PPP2R5E: variants seen among roughly 807,000 people sequenced by gnomAD.
The protein encoded by PPP2R5E is serine/threonine-protein phosphatase 2A 56 kDa regulatory subunit epsilon isoform.
PPP2R5E carries 4 observed loss-of-function variants against 65.3 expected under a neutral mutation model. The ratio of observed to expected loss-of-function variants is 0.06; its 90% CI spans 0.03 to 0.14. The LOEUF is 0.14. PPP2R5E is among the 10% of genes least tolerant of loss of function. PPP2R5E has a pLI of 1.00. For synonymous variants in PPP2R5E, 183 were observed against 187.4 expected (o/e 0.98, Z 0.19); for missense variants, 274 against 556.1 (o/e 0.49, Z 5.10).
rs1049849904 is a variant in PPP2R5E, at chr14:63,375,825, T to C, written c.*184A>G. ...GAGAAGTCCATCTACTGTCCAAACT[T>C]TGGATTGAAGTCCTTATTTTGTTTT... On this transcript the variant is annotated 3_prime_UTR_variant, in exon 14 of 14. Coordinates refer to ENST00000337537, the MANE Select transcript of PPP2R5E (RefSeq NM_006246.5). 23 of 409,408 alleles carry C rather than the reference T, an allele frequency of 5.6e-5. 1 individual carries two copies. In the Admixed American group the frequency reaches 9.3e-4, roughly 16 times the overall value. The allele number at this position is 409,408 out of a possible 1,614,324, so 25.4% of individuals were successfully genotyped here. A position where few individuals can be genotyped will look rare whatever the true frequency, so the allele number is the denominator to read the frequency against.
chr14:63,397,805 C>G (rs1885498075), intron 5 of PPP2R5E, among the ~76,000 whole-genome samples: 1 of 150,772 alleles, frequency 6.6e-6, no homozygotes, highest in African/African-American at 2.4e-5. Flanking sequence ...CTCACTGCAA[C>G]CTCCGCCTCC....
At chr14:63,493,047 T>C (rs1891357779) in intron 2 of PPP2R5E, among the ~76,000 whole-genome samples, 1 of 152,152 alleles carries the variant, frequency 6.6e-6, no homozygotes, top group Non-Finnish European at 1.5e-5. Flanking sequence ...CAAGGAATTC[T>C]GATCTACTAA....
intron 2 of PPP2R5E, among the ~76,000 whole-genome samples, chr14:63,512,078 TAAAAAAA>T (rs57623942): frequency 8.0e-5 from 7 of 87,084 alleles, no homozygotes; most frequent in South Asian, 4.1e-4. Flanking sequence ...GACTCTGCGG[TAAAAAAA>T]AAAAAAAAAA....
chr14:63,500,695 G>A (rs1020926608), intron 2 of PPP2R5E, among the ~76,000 whole-genome samples: 13 of 151,930 alleles, frequency 8.6e-5, no homozygotes, highest in African/African-American at 2.2e-4. Context: ...CAAGACTGCC[G>A]TCTCTACAAG....
At chr14:63,530,184 C>T (rs1893353000) in intron 2 of PPP2R5E, among the ~76,000 whole-genome samples, 1 of 151,598 alleles carries the variant, frequency 6.6e-6, no homozygotes, top group Non-Finnish European at 1.5e-5. Flanking sequence ...TATACACTGT[C>T]CCAACCAGAA....
chr14:63,501,337 G>A lies in PPP2R5E; in HGVS notation c.157+38192C>T, dbSNP rs376034555. 2.3e-3 allele frequency among the ~76,000 whole-genome samples: 345 copies of A among 151,706 alleles called. 8 individuals are homozygous for A. The South Asian group carries it at 0.065, about 28-fold the overall frequency. ...GGAGAATGGCGTGAACCCGGGAGGC[G>A]GAGCTTGCAGTGAGCCGATACAGTG... On this transcript the variant is annotated intron_variant, in intron 2 of 13. Coordinates refer to ENST00000337537, the MANE Select transcript of PPP2R5E (RefSeq NM_006246.5).
intron 2 of PPP2R5E, among the ~76,000 whole-genome samples, chr14:63,502,996 C>T (rs574385950): frequency 6.6e-5 from 10 of 152,204 alleles, no homozygotes; most frequent in Admixed American, 4.6e-4. Flanking sequence ...AGGACTAGCA[C>T]ATTAATATTA....
chr14:63,379,898 G>A (rs937169782), intron 13 of PPP2R5E, among the ~76,000 whole-genome samples: 1 of 123,330 alleles, frequency 8.1e-6, no homozygotes, highest in Non-Finnish European at 1.6e-5. Flanking sequence ...ACAGTGGCAT[G>A]ATCTTAGCTC....
At chr14:63,476,102 T>TA (rs1566731222) in intron 2 of PPP2R5E, among the ~76,000 whole-genome samples, 2 of 152,096 alleles carry the variant, frequency 1.3e-5, no homozygotes, top group African/African-American at 4.8e-5. Context: ...ACAAAAAAAG[T>TA]AAAAGCATTA....
At chr14:63,428,147 C>T (rs977519872) in intron 3 of PPP2R5E, among the ~76,000 whole-genome samples, 5 of 152,184 alleles carry the variant, frequency 3.3e-5, no homozygotes, top group Non-Finnish European at 2.9e-5. Context: ...ATCCCCACTG[C>T]CGGTTCAGAC....
chr14:63,413,797 T>A (rs925380072), intron 5 of PPP2R5E, among the ~76,000 whole-genome samples: 1 of 152,232 alleles, frequency 6.6e-6, no homozygotes, highest in African/African-American at 2.4e-5. Context: ...TCTATTTACC[T>A]ACCTTTCCAT....
chr14:63,535,572 A>G (rs1235187318), intron 2 of PPP2R5E, among the ~76,000 whole-genome samples: 1 of 152,240 alleles, frequency 6.6e-6, no homozygotes, highest in African/African-American at 2.4e-5. Context: ...CTGATAATGC[A>G]TGCACAAAAC....
chr14:63,419,497 T>C (rs1260970326), intron 4 of PPP2R5E, among the ~76,000 whole-genome samples: 2 of 152,194 alleles, frequency 1.3e-5, no homozygotes, highest in Non-Finnish European at 2.9e-5. Flanking sequence ...AGACTTCTTA[T>C]ACATTCAGTG....
At chr14:63,479,157 G>C (rs1446822542) in intron 2 of PPP2R5E, 1 of 151,996 alleles carries the variant, frequency 6.6e-6, no homozygotes, top group East Asian at 1.9e-4. Context: ...AAATCATTAA[G>C]AACAATACCT....
chr14:63,441,225 T>C (rs918972562), intron 3 of PPP2R5E, among the ~76,000 whole-genome samples: 4 of 152,182 alleles, frequency 2.6e-5, no homozygotes, highest in South Asian at 2.1e-4. Context: ...GTACACACCT[T>C]TGTGAAGAGA....
At chr14:63,525,940 T>C (rs1893168253) in intron 2 of PPP2R5E, among the ~76,000 whole-genome samples, 1 of 152,146 alleles carries the variant, frequency 6.6e-6, no homozygotes, top group Non-Finnish European at 1.5e-5. Flanking sequence ...CACTGCAACC[T>C]CCGCCGCATG....
intron 2 of PPP2R5E, among the ~76,000 whole-genome samples, chr14:63,491,215 G>A (rs1433603490): frequency 6.7e-6 from 1 of 149,830 alleles, no homozygotes; most frequent in South Asian, 2.1e-4. Flanking sequence ...AATAAACACT[G>A]GGGACTTTAG....
At chr14:63,412,240 C>T (rs1318619952) in intron 5 of PPP2R5E, among the ~76,000 whole-genome samples, 1 of 152,136 alleles carries the variant, frequency 6.6e-6, no homozygotes, top group Non-Finnish European at 1.5e-5. Flanking sequence ...ATCACTTGAG[C>T]CCAATCTGGG....
chr14:63,477,869 T>C (rs1594919856), intron 2 of PPP2R5E, among the ~76,000 whole-genome samples: 1 of 151,280 alleles, frequency 6.6e-6, no homozygotes, highest in South Asian at 2.1e-4. Flanking sequence ...AATATATATA[T>C]ATAAAATTTT....
Sources: allele counts gnomAD v4.1 joint callset (sites outside exome capture counted in the v4.1 genomes callset), GRCh38; gene constraint gnomAD v4.1.1; transcripts MANE v1.5; gene names NCBI Gene and HGNC (gene_info 2026-07-23, HGNC 2026-07-21).